The following SOX6 variants were observed in gnomAD, a reference collection of about 807,000 sequenced individuals.
SOX6 encodes SRY-box transcription factor 6.
A neutral mutation model predicts 97.8 loss-of-function variants in SOX6; 11 were observed. The ratio of observed to expected loss-of-function variants is 0.11; its 90% CI spans 0.07 to 0.19. SOX6 has a LOEUF of 0.19. Ranked by LOEUF, SOX6 falls within the 10% of genes least tolerant of loss-of-function variation. The probability of loss-of-function intolerance (pLI) is 1.00; values close to 1 mark genes in which losing one functional copy is unlikely to be tolerated. For synonymous variants in SOX6, 360 were observed against 371.4 expected (o/e 0.97, Z 0.35); for missense variants, 810 against 1,039.5 (o/e 0.78, Z 3.04).
chr11:16,139,838 A>G (rs1850080585), intron 6 of SOX6, among the ~76,000 whole-genome samples: 1 of 151,540 alleles, frequency 6.6e-6, no homozygotes, highest in Non-Finnish European at 1.5e-5. Flanking sequence ...ATATAAAACC[A>G]CAAAGTCACT....
At position 16,494,957 on chromosome 11, in the gene SOX6, A is replaced by G. The variant is rs566253205; in HGVS notation, n.610-18569T>C. Reference sequence around the variant, plus strand: ...GCCCCAAGTCCTAAGCAACTACAGCAAGATGCCATTTTGAGAGCCCAGCAC... The same window carrying G: ...GCCCCAAGTCCTAAGCAACTACAGCGAGATGCCATTTTGAGAGCCCAGCAC... On this transcript the variant is annotated intron_variant and non_coding_transcript_variant, in intron 4 of 5. Coordinates refer to the SOX6 transcript ENST00000524520. 3.1e-4 allele frequency among the ~76,000 whole-genome samples: 47 copies of G among 152,248 alleles called. 1 individual carries two copies. The South Asian group carries it at 9.5e-3, about 31-fold the overall frequency.
intron 1 of SOX6, among the ~76,000 whole-genome samples, chr11:16,344,656 C>T (rs1856728203): frequency 6.6e-6 from 1 of 152,014 alleles, no homozygotes; most frequent in South Asian, 2.1e-4. Flanking sequence ...TTTTCATCCC[C>T]AACATATTAA....
chr11:15,972,294 G>A lies in SOX6; in HGVS notation c.*515C>T, dbSNP rs1012888121. ...ACAAATGGAAAATTGGAATTCCGAG[G>A]CCTTTTGAATATGCTCTACATGCAG... On this transcript the variant is annotated 3_prime_UTR_variant, in exon 16 of 16. Coordinates refer to ENST00000683767, the MANE Select transcript of SOX6 (RefSeq NM_001367873.1). The A allele has an allele frequency of 6.5e-6, 1 of 153,282 alleles. No individual in the cohort carries two copies. The highest frequency in any genetic ancestry group is 2.4e-5 in the African/African-American group (1 of 41,436). 9.5% of individuals were successfully genotyped at this position (153,282 alleles called of 1,614,324 possible).
chr11:16,318,304 T>C (rs1421008308), intron 3 of SOX6, 142 bp downstream of exon 3: 4 of 813,528 alleles, frequency 4.9e-6, no homozygotes, highest in African/African-American at 3.4e-5. Flanking sequence ...GCCATCACCA[T>C]AGTAACCTCT....
intron 3 of SOX6, chr11:16,314,865 T>C (rs988489474): frequency 6.6e-6 from 1 of 152,232 alleles, no homozygotes; most frequent in African/African-American, 2.4e-5. Flanking sequence ...TATAAGATCT[T>C]GTTTTCTTAA....
intron 4 of SOX6, among the ~76,000 whole-genome samples, chr11:16,548,171 G>A (rs1045298153): frequency 6.6e-6 from 1 of 152,006 alleles, no homozygotes; most frequent in African/African-American, 2.4e-5. Flanking sequence ...AATCCGTTTA[G>A]GCAAAAATAT....
At chr11:16,129,278 G>A (rs1377138751) in intron 6 of SOX6, among the ~76,000 whole-genome samples, 2 of 151,958 alleles carry the variant, frequency 1.3e-5, no homozygotes, top group African/African-American at 4.8e-5. Flanking sequence ...ATGTAAAGAG[G>A]ATGAAAGCAA....
At chr11:16,731,440 C>T (rs1324213653) in intron 2 of SOX6, among the ~76,000 whole-genome samples, 1 of 152,202 alleles carries the variant, frequency 6.6e-6, no homozygotes, top group African/African-American at 2.4e-5. Context: ...GCTGGTTCAA[C>T]ATACGCAAAT....
At chr11:16,160,056 G>C (rs901779822) in intron 6 of SOX6, among the ~76,000 whole-genome samples, 2 of 152,090 alleles carry the variant, frequency 1.3e-5, no homozygotes, top group African/African-American at 4.8e-5. Context: ...CTAACATATT[G>C]CATTAATGTA....
chr11:16,279,512 C>A (rs1854492310), intron 3 of SOX6, among the ~76,000 whole-genome samples: 2 of 151,892 alleles, frequency 1.3e-5, no homozygotes, highest in African/African-American at 4.8e-5. Context: ...CTAAATGTTG[C>A]AGCATGTATT....
At chr11:16,346,993 AT>A (rs1021455928) in intron 1 of SOX6, among the ~76,000 whole-genome samples, 9 of 152,148 alleles carry the variant, frequency 5.9e-5, no homozygotes, top group African/African-American at 9.7e-5. Flanking sequence ...TCTAGAGTTT[AT>A]ATTTAGCTGA....
At position 16,141,002 on chromosome 11, in the gene SOX6, T is replaced by C. The variant is rs576330541; in HGVS notation, c.778-29079A>G. On this transcript the variant is annotated intron_variant, in intron 6 of 15. Transcript: ENST00000683767. ...CATGGCAGGTGCCTGTAATCCCAGC[T>C]ACATGGGAAGCTGAGACAGGAGAAT... Among the ~76,000 whole-genome samples the C allele has an allele frequency of 2.6e-5, 4 of 151,910 alleles. No homozygotes were observed. In the East Asian group the frequency reaches 7.8e-4, roughly 30 times the overall value.
intron 12 of SOX6, among the ~76,000 whole-genome samples, chr11:16,041,636 A>T (rs1228953017): frequency 6.6e-6 from 1 of 152,164 alleles, no homozygotes; most frequent in Non-Finnish European, 1.5e-5. Context: ...AGCTTTTCTA[A>T]AAAAATTATA....
chr11:16,139,044 T>C (rs1850055837), intron 6 of SOX6, among the ~76,000 whole-genome samples: 1 of 152,194 alleles, frequency 6.6e-6, no homozygotes, highest in Non-Finnish European at 1.5e-5. Context: ...ATGATTAGAT[T>C]CAGGTAATAC....
chr11:16,146,445 A>T (rs1262669565), intron 6 of SOX6, among the ~76,000 whole-genome samples: 1 of 152,218 alleles, frequency 6.6e-6, no homozygotes, highest in Non-Finnish European at 1.5e-5. Flanking sequence ...GGCATGGGCA[A>T]GGACTTCATG....
intron 1 of SOX6, among the ~76,000 whole-genome samples, chr11:16,395,088 T>C (rs1000315127): frequency 6.6e-6 from 1 of 151,872 alleles, no homozygotes; most frequent in African/African-American, 2.4e-5. Context: ...CTTTGCTTTC[T>C]GTCAATCTCC....
At chr11:16,032,824 C>A (rs1483105918) in intron 12 of SOX6, among the ~76,000 whole-genome samples, 1 of 152,138 alleles carries the variant, frequency 6.6e-6, no homozygotes, top group East Asian at 1.9e-4. Context: ...CATACTCATG[C>A]CAGGACCCTG....
chr11:16,629,339 T>C (rs1848671732), intron 3 of SOX6, among the ~76,000 whole-genome samples: 1 of 152,224 alleles, frequency 6.6e-6, no homozygotes, highest in African/African-American at 2.4e-5. Flanking sequence ...TTTTTCCACA[T>C]CTATTGAGAT....
At chr11:16,633,005 T>C (rs1456437865) in intron 3 of SOX6, among the ~76,000 whole-genome samples, 1 of 152,124 alleles carries the variant, frequency 6.6e-6, no homozygotes, top group African/African-American at 2.4e-5. Flanking sequence ...GTGCTCCAAA[T>C]TCCTGGGGAT....
Sources: gnomAD v4.1 joint callset for allele counts (sites outside exome capture counted in the v4.1 genomes callset) on GRCh38, gnomAD v4.1.1 for gene constraint, MANE v1.5 for transcripts, NCBI Gene and HGNC (gene_info 2026-07-23, HGNC 2026-07-21) for gene names.